Variants in WHRN observed in about 807,000 individuals in gnomAD.
WHRN encodes the protein CASK-interacting protein CIP98.
A neutral mutation model predicts 68.3 loss-of-function variants in WHRN; 41 were observed. The ratio of observed to expected loss-of-function variants is 0.60; its 90% confidence interval spans 0.47 to 0.78. The LOEUF (loss-of-function observed/expected upper bound fraction) is 0.78, where lower values mean the gene tolerates loss of function less well. WHRN is among the 30% of genes least tolerant of loss of function. The probability of loss-of-function intolerance (pLI) is 0.00; values close to 1 mark genes in which losing one functional copy is unlikely to be tolerated. For synonymous variants in WHRN, 560 were observed against 561.3 expected (o/e 1.00, Z 0.03); for missense variants, 1,243 against 1,244.7 (o/e 1.00, Z 0.02).
chr9:114,491,749 G>T, intron 1 of WHRN: 1 of 272,032 alleles, frequency 3.7e-6, no homozygotes. Context: ...GTAGCTTTGT[G>T]CTTCGTGTCC....
chr9:114,433,067 C>T (rs1837553369), intron 3 of WHRN, among the ~76,000 whole-genome samples: 1 of 152,328 alleles, frequency 6.6e-6, no homozygotes. Context: ...TCATTAAGAG[C>T]TGGGATCTGG....
chr9:114,454,569 C>A (rs772750724), intron 3 of WHRN, among the ~76,000 whole-genome samples: 79 of 151,864 alleles, frequency 5.2e-4, no homozygotes, highest in Non-Finnish European at 8.4e-4. Flanking sequence ...CAAAAAAAAA[C>A]CTAAATAAAT....
intron 1 of WHRN, among the ~76,000 whole-genome samples, chr9:114,485,554 T>A (rs1003776911): frequency 1.1e-4 from 17 of 151,962 alleles, no homozygotes; most frequent in African/African-American, 3.9e-4. Flanking sequence ...TAGCCAGGCA[T>A]GGTGGCGGGT....
intron 3 of WHRN, among the ~76,000 whole-genome samples, chr9:114,442,065 C>T (rs991299101): frequency 6.6e-6 from 1 of 152,042 alleles, no homozygotes; most frequent in African/African-American, 2.4e-5. Context: ...TCAGATATCC[C>T]AAATAGAGAA....
chr9:114,473,437 T>C (rs895314984), intron 2 of WHRN, among the ~76,000 whole-genome samples: 1 of 152,212 alleles, frequency 6.6e-6, no homozygotes, highest in Non-Finnish European at 1.5e-5. Context: ...AAGCCTGAGA[T>C]ATGAGCCTGA....
chr9:114,459,217 G>A (rs1324966329), intron 3 of WHRN, among the ~76,000 whole-genome samples: 3 of 152,148 alleles, frequency 2.0e-5, no homozygotes, highest in African/African-American at 7.2e-5. Context: ...CAGCACTTTG[G>A]GAGGCCAAGG....
At chr9:114,413,979 T>TA (rs1835638650) in intron 7 of WHRN, among the ~76,000 whole-genome samples, 1 of 152,114 alleles carries the variant, frequency 6.6e-6, no homozygotes, top group Non-Finnish European at 1.5e-5. Context: ...CCAGAATCTC[T>TA]AGAAGGTTAA....
At chr9:114,478,976 A>G (rs941630358) in intron 1 of WHRN, among the ~76,000 whole-genome samples, 3 of 152,214 alleles carry the variant, frequency 2.0e-5, no homozygotes, top group African/African-American at 4.8e-5. Flanking sequence ...AAGTGGTCCA[A>G]ATACAAGAAA....
At chr9:114,498,857 T>G (rs1413628690) in intron 1 of WHRN, among the ~76,000 whole-genome samples, 1 of 152,072 alleles carries the variant, frequency 6.6e-6, no homozygotes, top group African/African-American at 2.4e-5. Context: ...CCTGCCTGCC[T>G]CCCCTGGGGA....
intron 7 of WHRN, among the ~76,000 whole-genome samples, chr9:114,416,805 C>T (rs1237939054): frequency 6.6e-6 from 1 of 152,212 alleles, no homozygotes; most frequent in Non-Finnish European, 1.5e-5. Flanking sequence ...CATATCCACT[C>T]CTGATCTCAC....
intron 3 of WHRN, among the ~76,000 whole-genome samples, chr9:114,459,461 T>TA (rs11447125): frequency 0.76 from 114,693 of 151,710 alleles, 43,575 homozygotes; most frequent in East Asian, 0.97. Context: ...AGAGTTCATC[T>TA]AAAAAAAACA....
chr9:114,413,956 AAGAG>A (rs5900084), intron 7 of WHRN, among the ~76,000 whole-genome samples: 31,668 of 152,042 alleles, frequency 0.21, 3,572 homozygotes, highest in Middle Eastern at 0.3. Context: ...CGTCAGTGGA[AAGAG>A]AGAGTGACCC....
At chr9:114,416,434 G>A (rs1236453697) in intron 7 of WHRN, among the ~76,000 whole-genome samples, 2 of 152,236 alleles carry the variant, frequency 1.3e-5, no homozygotes, top group African/African-American at 2.4e-5. Context: ...AATCTGGTGG[G>A]AGGTGATCGG....
chr9:114,460,108 C>A (rs76515312), intron 3 of WHRN, among the ~76,000 whole-genome samples: 1 of 152,192 alleles, frequency 6.6e-6, no homozygotes. Context: ...AGGCAAGATC[C>A]AGGAACCACA....
intron 1 of WHRN, among the ~76,000 whole-genome samples, chr9:114,497,746 T>C (rs1262477947): frequency 1.3e-5 from 2 of 152,142 alleles, no homozygotes; most frequent in Non-Finnish European, 2.9e-5. Context: ...GCTCTGGGCT[T>C]CAGGGGAGGA....
intron 3 of WHRN, among the ~76,000 whole-genome samples, chr9:114,433,571 AG>A (rs1380018166): frequency 6.6e-6 from 1 of 152,236 alleles, no homozygotes. Flanking sequence ...TTTCCATGTC[AG>A]GTGTAAAACT....
chr9:114,491,789 G>C (rs535088346), intron 1 of WHRN: 69 of 267,666 alleles, frequency 2.6e-4, no homozygotes, highest in African/African-American at 5.3e-4. Context: ...TGAGTGCCTG[G>C]AGCCAGTCCC....
intron 3 of WHRN, among the ~76,000 whole-genome samples, chr9:114,462,146 T>TTC (rs1454646448): frequency 2.6e-5 from 4 of 152,146 alleles, no homozygotes; most frequent in African/African-American, 9.7e-5. Flanking sequence ...ACATTCCTGG[T>TTC]GTCTGGGCAC....
At chr9:114,438,671 G>A (rs560926127) in intron 3 of WHRN, among the ~76,000 whole-genome samples, 4 of 151,794 alleles carry the variant, frequency 2.6e-5, no homozygotes, top group African/African-American at 7.3e-5. Context: ...CAGGATGGTC[G>A]CTATCTCCTG....
Sources: allele counts gnomAD v4.1 joint callset (sites outside exome capture counted in the v4.1 genomes callset), GRCh38; gene constraint gnomAD v4.1.1; transcripts MANE v1.5; gene names NCBI Gene and HGNC (gene_info 2026-07-23, HGNC 2026-07-21).